FGF12: variants seen among roughly 807,000 people sequenced by gnomAD.
The protein encoded by FGF12 is fibroblast growth factor 12B.
In FGF12, 14 loss-of-function variants were observed where a neutral mutation model predicts 23.6. That is an observed-to-expected ratio of 0.59 (90% CI 0.39 to 0.93). The LOEUF (loss-of-function observed/expected upper bound fraction) is 0.93. Among genes scored for constraint, FGF12 ranks in the 40% least tolerant of loss-of-function variants. The pLI, the probability that FGF12 is intolerant of heterozygous loss-of-function variation, is 0.00. For missense variants in FGF12, 175 were observed against 217.8 expected (o/e 0.80, Z 1.24); for synonymous variants, 62 against 77.3 (o/e 0.80, Z 1.04).
chr3:192,590,811 C>T (rs565239855), intron 2 of FGF12, among the ~76,000 whole-genome samples: 1 of 151,888 alleles, frequency 6.6e-6, no homozygotes, highest in Non-Finnish European at 1.5e-5. Flanking sequence ...TCAAAAGTGG[C>T]ACCATCAACT....
intron 2 of FGF12, among the ~76,000 whole-genome samples, chr3:192,680,005 A>T (rs1285991055): frequency 6.6e-6 from 1 of 152,140 alleles, no homozygotes; most frequent in Non-Finnish European, 1.5e-5. Context: ...AAAAACAAAC[A>T]TTTTATCTGG....
At chr3:192,405,788 C>T (rs1437406423) in intron 2 of FGF12, among the ~76,000 whole-genome samples, 3 of 152,228 alleles carry the variant, frequency 2.0e-5, no homozygotes, top group African/African-American at 7.2e-5. Context: ...ATCATGGCTG[C>T]TGACAGCAAA....
intron 4 of FGF12, among the ~76,000 whole-genome samples, chr3:192,259,080 C>G (rs1275843831): frequency 6.6e-6 from 1 of 152,032 alleles, no homozygotes; most frequent in Non-Finnish European, 1.5e-5. Context: ...CATTTAAGAT[C>G]CATCATGAGT....
intron 4 of FGF12, among the ~76,000 whole-genome samples, chr3:192,208,308 C>A (rs959006527): frequency 6.6e-6 from 1 of 152,202 alleles, no homozygotes; most frequent in Admixed American, 6.5e-5. Context: ...ATTTCAGCCA[C>A]CATAACTCAA....
At chr3:192,480,510 T>C (rs371693803) in intron 2 of FGF12, among the ~76,000 whole-genome samples, 1 of 152,204 alleles carries the variant, frequency 6.6e-6, no homozygotes, top group African/African-American at 2.4e-5. Flanking sequence ...AAGATAGTCC[T>C]CTTTCCAAGA....
chr3:192,144,171 A>C (rs1346242729), intron 5 of FGF12, 44 bp from the exon 6 acceptor site: 4 of 1,088,566 alleles, frequency 3.7e-6, no homozygotes, highest in South Asian at 1.3e-5. Flanking sequence ...AGTGGACATA[A>C]ATTTCCTTCA....
chr3:192,567,782 TTTCTTTCTTTC>T lies in FGF12; in HGVS notation c.13+159388_13+159398del, dbSNP rs1344956406. On this transcript the variant is annotated intron_variant, in intron 2 of 5. Transcript: ENST00000445105. ...CTTTCTTTCTTTCTTTCTTTCTTTCTTTCTTTCTTTCTTTCTTTCTCTTTCTTTCTTTCTCT... is the reference window on the plus strand; with the variant it reads ...CTTTCTTTCTTTCTTTCTTTCTTTCTTTTCTTTCTCTTTCTTTCTTTCTCT... 2.6e-3 allele frequency among the ~76,000 whole-genome samples: 349 copies of T among 136,260 alleles called. 2 individuals are homozygous for T. The highest frequency in any genetic ancestry group is 4.2e-3 in the Non-Finnish European group (255 of 60,720). 89.4% of individuals were successfully genotyped at this position (136,260 alleles called of 152,430 possible). A position where few individuals can be genotyped will look rare whatever the true frequency, so the allele number is the denominator to read the frequency against.
chr3:192,271,027 T>C (rs895156837), intron 4 of FGF12, among the ~76,000 whole-genome samples: 1 of 152,120 alleles, frequency 6.6e-6, no homozygotes, highest in Non-Finnish European at 1.5e-5. Flanking sequence ...GTAAGGATGG[T>C]TCTTAAAAAA....
chr3:192,156,881 C>A (rs565396483), intron 5 of FGF12, among the ~76,000 whole-genome samples: 189 of 152,250 alleles, frequency 1.2e-3, no homozygotes, highest in African/African-American at 4.5e-3. Context: ...TATTTCACTT[C>A]TTTTCTTCTT....
At chr3:192,385,139 T>C (rs1325995688) in intron 2 of FGF12, among the ~76,000 whole-genome samples, 1 of 152,202 alleles carries the variant, frequency 6.6e-6, no homozygotes, top group Non-Finnish European at 1.5e-5. Context: ...GTGCCTACCA[T>C]GTCCTGAGCA....
In FGF12 at chr3:192,443,661, C is replaced by A. The variant is rs868158052; in HGVS notation, c.14-83123G>T. 2.6e-5 allele frequency among the ~76,000 whole-genome samples: 4 copies of A among 152,226 alleles called. No individual in the cohort carries two copies. In the South Asian group the frequency reaches 8.3e-4, roughly 32 times the overall value. ...TGAGTTCAAAATGTCTCTCAATATA[C>A]CTTATAAGTTATGAAAACAAGCAAA... is the stretch of plus-strand genomic sequence containing the variant. On this transcript the variant is annotated intron_variant, in intron 2 of 5. Coordinates refer to ENST00000445105, the MANE Select transcript of FGF12 (RefSeq NM_004113.6).
intron 2 of FGF12, among the ~76,000 whole-genome samples, chr3:192,570,408 G>A (rs1712536685): frequency 6.8e-6 from 1 of 147,414 alleles, no homozygotes; most frequent in Non-Finnish European, 1.5e-5. Context: ...GTCCAAATAT[G>A]TGATTAATGA....
At chr3:192,367,174 T>C (rs967759415) in intron 2 of FGF12, among the ~76,000 whole-genome samples, 3 of 152,220 alleles carry the variant, frequency 2.0e-5, no homozygotes, top group Non-Finnish European at 4.4e-5. Flanking sequence ...ATTTCACTTT[T>C]CTGTTTCCTT....
chr3:192,470,502 C>T (rs1426142801), intron 2 of FGF12, among the ~76,000 whole-genome samples: 1 of 152,172 alleles, frequency 6.6e-6, no homozygotes, highest in East Asian at 1.9e-4. Context: ...GATTCTCCTG[C>T]CTCGGCCCCC....
chr3:192,149,066 A>G (rs1405154229), intron 5 of FGF12, among the ~76,000 whole-genome samples: 1 of 152,230 alleles, frequency 6.6e-6, no homozygotes, highest in Non-Finnish European at 1.5e-5. Context: ...TGAACATCAT[A>G]TATATCAGGC....
intron 2 of FGF12, among the ~76,000 whole-genome samples, chr3:192,660,172 A>G (rs574335485): frequency 5.3e-4 from 80 of 151,036 alleles, no homozygotes; most frequent in African/African-American, 1.5e-3. Context: ...ATGGAATACT[A>G]TGCAGCCATA....
chr3:192,589,949 T>C (rs1044558557), intron 2 of FGF12, among the ~76,000 whole-genome samples: 1 of 151,892 alleles, frequency 6.6e-6, no homozygotes, highest in Non-Finnish European at 1.5e-5. Flanking sequence ...AGAGAAACTC[T>C]TATCTTCCTT....
chr3:192,237,318 T>C (rs963959056), intron 4 of FGF12, among the ~76,000 whole-genome samples: 5 of 152,168 alleles, frequency 3.3e-5, no homozygotes, highest in African/African-American at 1.2e-4. Flanking sequence ...GTCTTGGGGA[T>C]GGTCATCTTG....
At chr3:192,543,303 C>T (rs1355052750) in intron 2 of FGF12, among the ~76,000 whole-genome samples, 1 of 152,062 alleles carries the variant, frequency 6.6e-6, no homozygotes, top group Non-Finnish European at 1.5e-5. Context: ...AGACCCATGG[C>T]GAGTACTGCC....
Sources: allele counts gnomAD v4.1 joint callset (sites outside exome capture counted in the v4.1 genomes callset), GRCh38; gene constraint gnomAD v4.1.1; transcripts MANE v1.5; gene names NCBI Gene and HGNC (gene_info 2026-07-23, HGNC 2026-07-21).